Variants in SUGCT observed in about 807,000 individuals in gnomAD.
SUGCT encodes the protein succinyl-CoA:glutarate-CoA transferase.
SUGCT carries 41 observed loss-of-function variants against 55.0 expected under a neutral mutation model. That is an observed-to-expected ratio of 0.74 (90% CI 0.58 to 0.97). The LOEUF (loss-of-function observed/expected upper bound fraction) is 0.97. Among genes scored for constraint, SUGCT ranks in the 50% least tolerant of loss-of-function variants. The pLI, the probability that SUGCT is intolerant of heterozygous loss-of-function variation, is 0.00. For missense variants in SUGCT, 568 were observed against 547.8 expected (o/e 1.04, Z -0.37); for synonymous variants, 187 against 200.4 (o/e 0.93, Z 0.56).
rs188096375 is a variant in SUGCT, at chr7:40,656,645, A to C, written c.1090-92789A>C. ...TAAAACCTACTCCTCTCTCAAACTC[A>C]TTTAGATGCTAGTTTCCAGACTGAA... On this transcript the variant is annotated intron_variant, in intron 12 of 13. Transcript: ENST00000335693. Among the ~76,000 whole-genome samples, 69 of 152,320 alleles carry C rather than the reference A, an allele frequency of 4.5e-4. 4 individuals carry two copies. In the East Asian group the frequency reaches 8.3e-3, roughly 18 times the overall value.
intron 12 of SUGCT, among the ~76,000 whole-genome samples, chr7:40,534,574 G>A (rs745544364): frequency 2.0e-5 from 3 of 152,034 alleles, no homozygotes; most frequent in East Asian, 1.9e-4. Flanking sequence ...ATGTGCCGCC[G>A]TGCCCAGCTG....
At chr7:40,219,016 C>T (rs981322295) in intron 6 of SUGCT, among the ~76,000 whole-genome samples, 10 of 152,210 alleles carry the variant, frequency 6.6e-5, no homozygotes, top group African/African-American at 2.2e-4. Flanking sequence ...CTCTTTGGGT[C>T]CGCACTACCT....
chr7:40,365,855 T>A (rs1280071443), intron 9 of SUGCT, among the ~76,000 whole-genome samples: 1 of 152,182 alleles, frequency 6.6e-6, no homozygotes, highest in African/African-American at 2.4e-5. Flanking sequence ...AATTTATAGA[T>A]TCAATGCCAT....
chr7:40,368,158 A>G (rs142719025), intron 9 of SUGCT, among the ~76,000 whole-genome samples: 12 of 152,226 alleles, frequency 7.9e-5, no homozygotes, highest in African/African-American at 2.2e-4. Context: ...GTCAGATCTC[A>G]CATTATAACA....
At chr7:40,694,805 A>G (rs2128655039) in intron 12 of SUGCT, among the ~76,000 whole-genome samples, 1 of 152,284 alleles carries the variant, frequency 6.6e-6, no homozygotes, top group Non-Finnish European at 1.5e-5. Context: ...AAAAGACATC[A>G]TGGCTAGGAA....
At chr7:40,304,747 A>T (rs1246125370) in intron 8 of SUGCT, among the ~76,000 whole-genome samples, 1 of 68,452 alleles carries the variant, frequency 1.5e-5, no homozygotes, top group African/African-American at 6.1e-5. Flanking sequence ...TAATAATAAT[A>T]ATAATAATAA....
At chr7:40,863,088 A>C (rs1459798234), downstream of SUGCT, among the ~76,000 whole-genome samples, 1 of 152,018 alleles carries the variant, frequency 6.6e-6, no homozygotes, top group African/African-American at 2.4e-5. Context: ...AAAATACAAA[A>C]ATTAGCCAGG....
rs1008231024 is a variant in SUGCT at position 40,148,054 on chromosome 7, A to C, written c.100+12934A>C. On this transcript the variant is annotated intron_variant, in intron 1 of 13. Transcript: ENST00000335693. ...GGGTTAGACCGCACAGGCTAAACTA[A>C]CTCTGATTGGCTAATTTAAAGAGAC... 2.0e-5 allele frequency among the ~76,000 whole-genome samples: 3 copies of C among 152,114 alleles called. No homozygotes were observed. In the East Asian group the frequency reaches 5.8e-4, roughly 29 times the overall value.
At chr7:40,602,753 C>T (rs1798354570) in intron 12 of SUGCT, among the ~76,000 whole-genome samples, 1 of 152,196 alleles carries the variant, frequency 6.6e-6, no homozygotes, top group East Asian at 1.9e-4. Context: ...CTGGGATCTT[C>T]TGTTCTTTTT....
At chr7:40,948,101 A>G in the SUGCT span, among the ~76,000 whole-genome samples, 49,542 of 152,044 alleles carry the variant, frequency 0.33, 8,892 homozygotes, top group Admixed American at 0.44. Context: ...TTTGTTTTAC[A>G]AAGAAACCCG....
chr7:40,895,397 C>T, the SUGCT span, among the ~76,000 whole-genome samples: 5 of 152,120 alleles, frequency 3.3e-5, no homozygotes, highest in Non-Finnish European at 5.9e-5. Context: ...ATAATCTGTA[C>T]ACCAAACCCC....
intron 9 of SUGCT, among the ~76,000 whole-genome samples, chr7:40,405,369 T>C (rs112208168): frequency 6.8e-6 from 1 of 147,308 alleles, no homozygotes; most frequent in African/African-American, 2.7e-5. Context: ...ATAATGTCTT[T>C]TCTTTTTCTT....
At chr7:40,580,181 A>G (rs1797002597) in intron 12 of SUGCT, among the ~76,000 whole-genome samples, 1 of 152,182 alleles carries the variant, frequency 6.6e-6, no homozygotes, top group Non-Finnish European at 1.5e-5. Context: ...AACAAGGTAT[A>G]TTTTTCAACA....
intron 1 of SUGCT, among the ~76,000 whole-genome samples, chr7:40,143,607 T>C (rs983043834): frequency 6.6e-6 from 1 of 152,248 alleles, no homozygotes; most frequent in Non-Finnish European, 1.5e-5. Flanking sequence ...GAATATTTGA[T>C]CCATTCCAAC....
intron 12 of SUGCT, among the ~76,000 whole-genome samples, chr7:40,570,334 AGTC>A (rs1796374058): frequency 6.6e-6 from 1 of 152,198 alleles, no homozygotes; most frequent in South Asian, 2.1e-4. Flanking sequence ...GTATAAAGGG[AGTC>A]TTAAAGAGAG....
intron 13 of SUGCT, among the ~76,000 whole-genome samples, chr7:40,752,246 A>G (rs1788051840): frequency 6.6e-6 from 1 of 152,160 alleles, no homozygotes; most frequent in Admixed American, 6.6e-5. Flanking sequence ...TCTGACGGTC[A>G]TGGCTGCAGA....
At chr7:40,517,091 T>C (rs1216103372) in intron 12 of SUGCT, among the ~76,000 whole-genome samples, 1 of 152,078 alleles carries the variant, frequency 6.6e-6, no homozygotes, top group Non-Finnish European at 1.5e-5. Flanking sequence ...TTGATACTAT[T>C]GTAAATGAAA....
intron 13 of SUGCT, among the ~76,000 whole-genome samples, chr7:40,752,416 C>T (rs375769405): frequency 4.6e-5 from 7 of 152,250 alleles, no homozygotes; most frequent in East Asian, 3.9e-4. Context: ...AGTGCAGTGA[C>T]GCAATCTCAG....
intron 11 of SUGCT, among the ~76,000 whole-genome samples, chr7:40,494,226 G>A (rs1185787708): frequency 6.6e-6 from 1 of 152,156 alleles, no homozygotes; most frequent in East Asian, 1.9e-4. Context: ...GATAAATTCT[G>A]TTGTCTTGAA....
Sources: gnomAD v4.1 joint callset for allele counts (sites outside exome capture counted in the v4.1 genomes callset) on GRCh38, gnomAD v4.1.1 for gene constraint, MANE v1.5 for transcripts, NCBI Gene and HGNC (gene_info 2026-07-23, HGNC 2026-07-21) for gene names.